The following PTPRD variants were observed in gnomAD, a reference collection of about 807,000 sequenced individuals.
The protein encoded by PTPRD is receptor-type tyrosine-protein phosphatase delta.
PTPRD carries 34 observed loss-of-function variants against 214.5 expected under a neutral mutation model. That is an observed-to-expected ratio of 0.16 (90% confidence interval 0.12 to 0.21). PTPRD has a LOEUF of 0.21. PTPRD is among the 10% of genes least tolerant of loss of function. The pLI is 1.00. For synonymous variants in PTPRD, 1,128 were observed against 845.7 expected (o/e 1.33, Z -5.79); for missense variants, 2,545 against 2,398.7 (o/e 1.06, Z -1.27).
chr9:8,811,131 A>G (rs1336142433), intron 11 of PTPRD, among the ~76,000 whole-genome samples: 2 of 152,208 alleles, frequency 1.3e-5, no homozygotes, highest in Admixed American at 1.3e-4. Flanking sequence ...TACTCCAGCA[A>G]CTAAGAAAAA....
chr9:9,342,106 G>A (rs1596064598), intron 9 of PTPRD, among the ~76,000 whole-genome samples: 1 of 152,120 alleles, frequency 6.6e-6, no homozygotes, highest in African/African-American at 2.4e-5. Flanking sequence ...ACCACACCCA[G>A]CCAAGATTTT....
intron 2 of PTPRD, among the ~76,000 whole-genome samples, chr9:10,499,777 T>C (rs2043116203): frequency 6.6e-6 from 1 of 151,854 alleles, no homozygotes; most frequent in Non-Finnish European, 1.5e-5. Flanking sequence ...CTTATCATTA[T>C]TTTTCCACTA....
intron 44 of PTPRD, among the ~76,000 whole-genome samples, chr9:8,322,631 C>A (rs993042960): frequency 6.6e-6 from 1 of 152,108 alleles, no homozygotes; most frequent in African/African-American, 2.4e-5. Context: ...AGGAAGCCAA[C>A]CCCATAACAT....
At chr9:9,833,972 G>A (rs533220046) in intron 5 of PTPRD, among the ~76,000 whole-genome samples, 57 of 152,034 alleles carry the variant, frequency 3.7e-4, no homozygotes, top group African/African-American at 1.2e-3. Context: ...GTCCTGGAAC[G>A]ATATACATCC....
intron 35 of PTPRD, among the ~76,000 whole-genome samples, chr9:8,408,464 G>C (rs1327506380): frequency 6.6e-6 from 1 of 152,070 alleles, no homozygotes; most frequent in Non-Finnish European, 1.5e-5. Flanking sequence ...ACCTTCCCAA[G>C]CTGAAATCCT....
In PTPRD at chr9:10,601,278, G is replaced by A. The variant is rs560978235; in HGVS notation, c.-600+11120C>T. ...GGTAAGGCCTTGAAGTAAAGTTATG[G>A]CCAAAGGGAAGAATTTGATTTAAAA... is the stretch of plus-strand genomic sequence containing the variant. On this transcript the variant is annotated intron_variant, in intron 2 of 45. Transcript: ENST00000381196. Among the ~76,000 whole-genome samples the A allele has an allele frequency of 6.6e-5, 10 of 151,542 alleles. No individual in the cohort carries two copies. In the East Asian group the frequency reaches 1.8e-3, roughly 27 times the overall value.
At chr9:8,379,383 A>G (rs2084257433) in intron 37 of PTPRD, among the ~76,000 whole-genome samples, 2 of 152,022 alleles carry the variant, frequency 1.3e-5, no homozygotes, top group Non-Finnish European at 2.9e-5. Context: ...TAGCCTGCAC[A>G]CCTTCATCTG....
chr9:9,133,026 T>A (rs2099845212), intron 10 of PTPRD, among the ~76,000 whole-genome samples: 1 of 152,240 alleles, frequency 6.6e-6, no homozygotes, highest in Non-Finnish European at 1.5e-5. Context: ...AGGGTAGTGA[T>A]TTCAATAGAA....
intron 8 of PTPRD, among the ~76,000 whole-genome samples, chr9:9,443,130 A>T (rs2088872984): frequency 6.6e-6 from 1 of 152,208 alleles, no homozygotes; most frequent in Non-Finnish European, 1.5e-5. Context: ...TTTCAAAAAT[A>T]GGGCCATTCT....
intron 11 of PTPRD, among the ~76,000 whole-genome samples, chr9:8,786,777 G>A (rs570183015): frequency 6.6e-6 from 1 of 151,876 alleles, no homozygotes; most frequent in East Asian, 2.0e-4. Context: ...CGGGGGGCGA[G>A]GGGTGTATTT....
intron 8 of PTPRD, among the ~76,000 whole-genome samples, chr9:9,422,047 T>C (rs1186413737): frequency 1.3e-5 from 2 of 152,040 alleles, no homozygotes; most frequent in African/African-American, 4.8e-5. Flanking sequence ...TTTTGACATC[T>C]ATGGACAGGT....
At chr9:8,937,230 G>A (rs531023153) in intron 11 of PTPRD, among the ~76,000 whole-genome samples, 3 of 152,100 alleles carry the variant, frequency 2.0e-5, no homozygotes, top group Non-Finnish European at 4.4e-5. Context: ...GAGCATCACA[G>A]GAGGCATGAA....
intron 7 of PTPRD, among the ~76,000 whole-genome samples, chr9:9,676,343 T>A (rs1275160340): frequency 6.8e-6 from 1 of 146,420 alleles, no homozygotes; most frequent in Non-Finnish European, 1.5e-5. Context: ...GTTCTCATTG[T>A]TCAATTCCCA....
chr9:9,494,107 A>T (rs74436204), intron 8 of PTPRD, among the ~76,000 whole-genome samples: 1,800 of 152,270 alleles, frequency 0.012, 44 homozygotes, highest in African/African-American at 0.04. Flanking sequence ...GAGCTGGAAG[A>T]TGTAACTGAA....
intron 11 of PTPRD, among the ~76,000 whole-genome samples, chr9:8,751,671 TTCATCC>T (rs1438287354): frequency 1.3e-5 from 2 of 152,188 alleles, no homozygotes; most frequent in Non-Finnish European, 2.9e-5. Context: ...TCTTTTACAT[TTCATCC>T]CTTAGTCTTC....
intron 11 of PTPRD, among the ~76,000 whole-genome samples, chr9:8,966,273 A>C (rs1410830971): frequency 6.6e-6 from 1 of 152,130 alleles, no homozygotes; most frequent in Non-Finnish European, 1.5e-5. Context: ...ATTGAAAAAC[A>C]AAGATCCCAA....
intron 14 of PTPRD, among the ~76,000 whole-genome samples, chr9:8,581,913 C>CAAAAAAAAAAAAAAAAAAAAA (rs36007156): frequency 2.0e-4 from 7 of 34,964 alleles, no homozygotes; most frequent in African/African-American, 3.3e-4. Flanking sequence ...ACTCAATCTC[C>CAAAAAAAAAAAAAAAAAAAAA]AAAAAAAAAA....
At chr9:8,870,730 G>A (rs150598197) in intron 11 of PTPRD, among the ~76,000 whole-genome samples, 6 of 35,680 alleles carry the variant, frequency 1.7e-4, no homozygotes, top group Admixed American at 9.4e-4. Flanking sequence ...ACACACACAC[G>A]GGAGTTCAGC....
chr9:9,129,514 A>G (rs955109321), intron 10 of PTPRD, among the ~76,000 whole-genome samples: 3 of 152,158 alleles, frequency 2.0e-5, no homozygotes, highest in Non-Finnish European at 4.4e-5. Context: ...TAATAGAACC[A>G]TAGGAAGTCT....
Sources: gnomAD v4.1 joint callset for allele counts (sites outside exome capture counted in the v4.1 genomes callset) on GRCh38, gnomAD v4.1.1 for gene constraint, MANE v1.5 for transcripts, NCBI Gene and HGNC (gene_info 2026-07-23, HGNC 2026-07-21) for gene names.